Variants in WWC2 observed in about 807,000 individuals in gnomAD.
WWC2 encodes WW and C2 domain containing 2, also known as protein WWC2.
A neutral mutation model predicts 138.5 loss-of-function variants in WWC2; 101 were observed. The observed-to-expected ratio is 0.73, with a 90% CI of 0.62 to 0.86. WWC2 has a LOEUF of 0.86. Among genes scored for constraint, WWC2 ranks in the 40% least tolerant of loss-of-function variants. WWC2 has a pLI of 0.00. For synonymous variants in WWC2, 558 were observed against 538.4 expected (o/e 1.04, Z -0.50); for missense variants, 1,420 against 1,419.4 (o/e 1.00, Z -0.01).
intron 8 of WWC2, among the ~76,000 whole-genome samples, chr4:183,251,686 A>G (rs1009927010): frequency 1.3e-5 from 2 of 152,198 alleles, no homozygotes; most frequent in Non-Finnish European, 2.9e-5. Context: ...CAGTCACATC[A>G]AAACTTCAGA....
chr4:183,287,463 G>A (rs1460373660), intron 20 of WWC2, among the ~76,000 whole-genome samples: 8 of 152,134 alleles, frequency 5.3e-5, no homozygotes, highest in African/African-American at 1.9e-4. Context: ...AACCAAAAGT[G>A]TTTATGAATC....
chr4:183,222,092 A>T (rs1232358912), intron 4 of WWC2, among the ~76,000 whole-genome samples: 1 of 152,214 alleles, frequency 6.6e-6, no homozygotes, highest in African/African-American at 2.4e-5. Flanking sequence ...ACATGGATGA[A>T]TTTCAAAAAC....
rs984991666 is a variant in WWC2 at position 183,318,596 on chromosome 4, T to C, written c.*2867T>C. ...CCTGATTGGCACAAACACAAGAGTT[T>C]CCTTGAACCATGTACCAAGCAAATA... On this transcript the variant is annotated 3_prime_UTR_variant, in exon 23 of 23. Coordinates refer to ENST00000403733, the MANE Select transcript of WWC2 (RefSeq NM_024949.6). 2 of 152,458 alleles carry C rather than the reference T, an allele frequency of 1.3e-5. No homozygotes were observed. Among genetic ancestry groups the C allele is most frequent in the African/African-American group, 4.8e-5 (2 of 41,452 alleles). The allele number at this position is 152,458 out of a possible 1,614,324, so 9.4% of individuals were successfully genotyped here.
At chr4:183,103,524 C>T (rs1436570824) in intron 1 of WWC2, among the ~76,000 whole-genome samples, 1 of 150,982 alleles carries the variant, frequency 6.6e-6, no homozygotes, top group Non-Finnish European at 1.5e-5. Flanking sequence ...AATGGGGTTT[C>T]ACCATGTTGG....
At chr4:183,254,726 G>A (rs536941887) in intron 9 of WWC2, among the ~76,000 whole-genome samples, 27 of 152,332 alleles carry the variant, frequency 1.8e-4, no homozygotes, top group South Asian at 1.2e-3. Context: ...CCAGAGAGCC[G>A]TTGAGAACGA....
chr4:183,262,879 A>G (rs928920785), intron 11 of WWC2, among the ~76,000 whole-genome samples: 1 of 152,156 alleles, frequency 6.6e-6, no homozygotes, highest in East Asian at 1.9e-4. Flanking sequence ...TGTTTGGGTA[A>G]GCACACTACC....
intron 21 of WWC2, among the ~76,000 whole-genome samples, chr4:183,300,737 G>A (rs996561575): frequency 6.7e-6 from 1 of 149,456 alleles, no homozygotes; most frequent in African/African-American, 2.5e-5. Context: ...ATCTTCCGGT[G>A]TTCCCTGGTC....
chr4:183,146,834 A>G (rs893688201), intron 1 of WWC2, among the ~76,000 whole-genome samples: 3 of 152,226 alleles, frequency 2.0e-5, no homozygotes, highest in South Asian at 2.1e-4. Flanking sequence ...CAGTTGAAGG[A>G]TCTGGAGTGA....
intron 4 of WWC2, among the ~76,000 whole-genome samples, chr4:183,236,305 A>G (rs1411863158): frequency 2.6e-5 from 4 of 152,244 alleles, no homozygotes; most frequent in African/African-American, 9.6e-5. Context: ...AAGGAGTTTA[A>G]TTGAGCAATG....
chr4:183,286,945 G>T (rs1023742318), intron 20 of WWC2, among the ~76,000 whole-genome samples: 1 of 152,180 alleles, frequency 6.6e-6, no homozygotes, highest in East Asian at 1.9e-4. Flanking sequence ...TAGCTTTGGG[G>T]CAGGGTGGGG....
chr4:183,164,797 A>G (rs1385523240), intron 1 of WWC2, among the ~76,000 whole-genome samples: 7 of 152,114 alleles, frequency 4.6e-5, no homozygotes, highest in African/African-American at 1.7e-4. Flanking sequence ...CAGGCAAATT[A>G]TAGTTGTCTG....
intron 1 of WWC2, among the ~76,000 whole-genome samples, chr4:183,139,180 T>A (rs545982662): frequency 6.6e-6 from 1 of 152,256 alleles, no homozygotes; most frequent in South Asian, 2.1e-4. Context: ...TTAATCAAGG[T>A]TCAGTTGGGA....
intron 4 of WWC2, among the ~76,000 whole-genome samples, chr4:183,220,337 T>C (rs1038655534): frequency 1.3e-5 from 2 of 152,184 alleles, no homozygotes; most frequent in African/African-American, 4.8e-5. Flanking sequence ...TGGTAATTTG[T>C]CCTGCAGCAT....
At chr4:183,295,993 A>G (rs1738620310) in intron 21 of WWC2, among the ~76,000 whole-genome samples, 1 of 152,102 alleles carries the variant, frequency 6.6e-6, no homozygotes, top group South Asian at 2.1e-4. Flanking sequence ...CATGGGTGGT[A>G]TTTTTCACTT....
chr4:183,110,299 A>C (rs1732192629), intron 1 of WWC2, among the ~76,000 whole-genome samples: 1 of 152,216 alleles, frequency 6.6e-6, no homozygotes, highest in Non-Finnish European at 1.5e-5. Flanking sequence ...AGTTAGAAAT[A>C]CTGACTTTCT....
At chr4:183,204,733 C>T (rs1735397330) in intron 2 of WWC2, among the ~76,000 whole-genome samples, 1 of 152,134 alleles carries the variant, frequency 6.6e-6, no homozygotes, top group African/African-American at 2.4e-5. Context: ...CATTTCCATC[C>T]CCTCAAAAAG....
intron 16 of WWC2, among the ~76,000 whole-genome samples, chr4:183,275,945 G>A (rs1366460036): frequency 6.6e-6 from 1 of 152,076 alleles, no homozygotes; most frequent in Non-Finnish European, 1.5e-5. Context: ...CTGTACTTCA[G>A]TCTATTTAGA....
At chr4:183,229,204 G>A (rs1391075281) in intron 4 of WWC2, among the ~76,000 whole-genome samples, 3 of 152,062 alleles carry the variant, frequency 2.0e-5, no homozygotes, top group African/African-American at 7.3e-5. Flanking sequence ...TACTTTCAGT[G>A]TGTATGTTGT....
chr4:183,284,769 CTTGTT>C, intron 19 of WWC2, among the ~76,000 whole-genome samples: 1 of 152,224 alleles, frequency 6.6e-6, no homozygotes, highest in Non-Finnish European at 1.5e-5. Context: ...CCATGTTTGT[CTTGTT>C]GAACTGAGAA....
Sources: allele counts gnomAD v4.1 joint callset (sites outside exome capture counted in the v4.1 genomes callset), GRCh38; gene constraint gnomAD v4.1.1; transcripts MANE v1.5; gene names NCBI Gene and HGNC (gene_info 2026-07-23, HGNC 2026-07-21).